ZNF385D: variants seen among roughly 807,000 people sequenced by gnomAD.
ZNF385D encodes the protein zinc finger protein 385D.
A neutral mutation model predicts 35.8 loss-of-function variants in ZNF385D; 15 were observed. The ratio of observed to expected loss-of-function variants is 0.42; its 90% CI spans 0.28 to 0.64. The LOEUF is 0.64. Among genes scored for constraint, ZNF385D ranks in the 30% least tolerant of loss-of-function variants. ZNF385D has a pLI of 0.23. For synonymous variants in ZNF385D, 212 were observed against 186.8 expected (o/e 1.13, Z -1.10); for missense variants, 474 against 494.6 (o/e 0.96, Z 0.39).
chr3:21,826,762 T>C (rs1375188103), intron 3 of ZNF385D, among the ~76,000 whole-genome samples: 1 of 150,664 alleles, frequency 6.6e-6, no homozygotes, highest in Non-Finnish European at 1.5e-5. Context: ...AGCTAGAGAA[T>C]TCTCTACTGT....
intron 2 of ZNF385D, among the ~76,000 whole-genome samples, chr3:22,259,385 T>G (rs1700499448): frequency 6.6e-6 from 1 of 151,924 alleles, no homozygotes; most frequent in Non-Finnish European, 1.5e-5. Flanking sequence ...TCTTTAAATT[T>G]TATGCTTGCT....
chr3:21,744,109 C>G (rs2069648172), intron 1 of ZNF385D, among the ~76,000 whole-genome samples: 1 of 152,178 alleles, frequency 6.6e-6, no homozygotes, highest in Non-Finnish European at 1.5e-5. Flanking sequence ...TACACCTTAA[C>G]AGTCACTAGC....
At chr3:21,855,299 T>C (rs940904235) in intron 3 of ZNF385D, among the ~76,000 whole-genome samples, 3 of 152,050 alleles carry the variant, frequency 2.0e-5, no homozygotes, top group Admixed American at 2.0e-4. Flanking sequence ...CATCCCAAAT[T>C]GCTTACTCAA....
chr3:21,597,671 T>G (rs1222511900), intron 2 of ZNF385D, among the ~76,000 whole-genome samples: 2 of 152,130 alleles, frequency 1.3e-5, no homozygotes, highest in African/African-American at 4.8e-5. Context: ...GTAAAAGATA[T>G]AGAGGCAAGA....
At chr3:22,333,401 A>G (rs992852625) in intron 2 of ZNF385D, among the ~76,000 whole-genome samples, 8 of 152,176 alleles carry the variant, frequency 5.3e-5, no homozygotes, top group Non-Finnish European at 1.2e-4. Flanking sequence ...ATTTTATGAC[A>G]TAAATGTTAA....
chr3:22,004,664 T>G (rs1346623132), intron 3 of ZNF385D, among the ~76,000 whole-genome samples: 1 of 152,158 alleles, frequency 6.6e-6, no homozygotes, highest in East Asian at 1.9e-4. Context: ...AATTTCCTTG[T>G]GGACAAAGGA....
chr3:21,868,235 A>G (rs1697483226), intron 3 of ZNF385D, among the ~76,000 whole-genome samples: 1 of 152,154 alleles, frequency 6.6e-6, no homozygotes, highest in Non-Finnish European at 1.5e-5. Flanking sequence ...GAAAGCATCC[A>G]TAGACAATCC....
At chr3:22,046,304 C>T (rs1236197800) in intron 3 of ZNF385D, among the ~76,000 whole-genome samples, 1 of 152,110 alleles carries the variant, frequency 6.6e-6, no homozygotes, top group East Asian at 1.9e-4. Context: ...CCATATGTTA[C>T]CAGTCCTCTT....
chr3:22,030,181 T>C (rs1697848605), intron 3 of ZNF385D, among the ~76,000 whole-genome samples: 1 of 148,288 alleles, frequency 6.7e-6, no homozygotes, highest in East Asian at 2.0e-4. Context: ...GGACTGGCTC[T>C]ACTTGCTCCT....
At chr3:21,853,641 C>G (rs1696532027) in intron 3 of ZNF385D, among the ~76,000 whole-genome samples, 1 of 150,748 alleles carries the variant, frequency 6.6e-6, no homozygotes, top group Non-Finnish European at 1.5e-5. Flanking sequence ...ATAAATTTAA[C>G]TTAGACTTGG....
At chr3:21,856,400 C>T (rs887466926) in intron 3 of ZNF385D, among the ~76,000 whole-genome samples, 1 of 151,934 alleles carries the variant, frequency 6.6e-6, no homozygotes, top group South Asian at 2.1e-4. Flanking sequence ...CTTTCTGAAC[C>T]CCTTCTCTCA....
At chr3:22,345,903 G>T (rs1172120399) in intron 2 of ZNF385D, among the ~76,000 whole-genome samples, 2 of 152,176 alleles carry the variant, frequency 1.3e-5, no homozygotes, top group Non-Finnish European at 2.9e-5. Context: ...TCTCTGAGGG[G>T]CTATTCCAGT....
At chr3:22,268,407 T>C (rs1165353261) in intron 2 of ZNF385D, among the ~76,000 whole-genome samples, 1 of 152,034 alleles carries the variant, frequency 6.6e-6, no homozygotes, top group Non-Finnish European at 1.5e-5. Flanking sequence ...GTTGATGTTA[T>C]ACATGTTATT....
At chr3:21,887,331 CTT>C (rs1475156768) in intron 3 of ZNF385D, among the ~76,000 whole-genome samples, 5 of 152,132 alleles carry the variant, frequency 3.3e-5, no homozygotes, top group Admixed American at 2.0e-4. Context: ...TACAAGGAAA[CTT>C]AACTATGCAC....
intron 2 of ZNF385D, among the ~76,000 whole-genome samples, chr3:22,258,073 G>A (rs551276283): frequency 1.3e-5 from 2 of 151,760 alleles, no homozygotes; most frequent in East Asian, 1.9e-4. Flanking sequence ...GGTACAATGA[G>A]ATATAATAGA....
intron 1 of ZNF385D, among the ~76,000 whole-genome samples, chr3:21,711,995 A>G (rs2068127211): frequency 6.6e-6 from 1 of 152,244 alleles, no homozygotes; most frequent in Admixed American, 6.5e-5. Context: ...ATAGCTGATT[A>G]TAACAATACT....
At chr3:22,196,785 C>T (rs1349644000) in intron 2 of ZNF385D, among the ~76,000 whole-genome samples, 1 of 152,114 alleles carries the variant, frequency 6.6e-6, no homozygotes, top group East Asian at 1.9e-4. Flanking sequence ...TTTAGTTTTA[C>T]TACACATTCA....
intron 4 of ZNF385D, among the ~76,000 whole-genome samples, chr3:21,494,812 A>T (rs1444395885): frequency 1.3e-5 from 2 of 152,158 alleles, no homozygotes; most frequent in African/African-American, 4.8e-5. Context: ...AATACTGAGT[A>T]CTCAATGTTG....
intron 3 of ZNF385D, among the ~76,000 whole-genome samples, chr3:21,780,212 C>T (rs917012531): frequency 1.3e-5 from 2 of 152,006 alleles, no homozygotes; most frequent in African/African-American, 4.8e-5. Context: ...AACTACTTTA[C>T]TAATATTACC....
Sources: allele counts gnomAD v4.1 joint callset (sites outside exome capture counted in the v4.1 genomes callset), GRCh38; gene constraint gnomAD v4.1.1; transcripts MANE v1.5; gene names NCBI Gene and HGNC (gene_info 2026-07-23, HGNC 2026-07-21).